THSD7B: variants seen among roughly 807,000 people sequenced by gnomAD.
THSD7B encodes thrombospondin type-1 domain-containing protein 7B.
In THSD7B, 138 loss-of-function variants were observed where a neutral mutation model predicts 213.6. That is an observed-to-expected ratio of 0.65 (90% CI 0.56 to 0.74). THSD7B has a LOEUF of 0.74. THSD7B is among the 30% of genes least tolerant of loss of function. THSD7B has a pLI of 0.00. For synonymous variants in THSD7B, 742 were observed against 687.0 expected (o/e 1.08, Z -1.25); for missense variants, 1,931 against 1,991.5 (o/e 0.97, Z 0.58).
At chr2:137,252,740 G>A (rs961644173) in intron 10 of THSD7B, among the ~76,000 whole-genome samples, 1 of 152,094 alleles carries the variant, frequency 6.6e-6, no homozygotes, top group Admixed American at 6.5e-5. Context: ...GCATCCCTCC[G>A]GAGAGGGCTT....
Position 136,851,818 on chromosome 2 carries a change from T to G in THSD7B, c.-35-30326T>G, listed in dbSNP as rs76146929. Among the ~76,000 whole-genome samples, 752 of 152,192 alleles carry G rather than the reference T, an allele frequency of 4.9e-3. 13 individuals are homozygous for G. The South Asian group carries it at 0.072, about 15-fold the overall frequency. ...AGCTCCAAATCAAGGGATGTGGAAATATCCTCAAAGGATGTGGAAATATCC... is the reference window on the plus strand; with the variant it reads ...AGCTCCAAATCAAGGGATGTGGAAAGATCCTCAAAGGATGTGGAAATATCC... On this transcript the variant is annotated intron_variant, in intron 1 of 27. Coordinates refer to ENST00000409968, the MANE Select transcript of THSD7B (RefSeq NM_001316349.2).
chr2:137,521,763 A>T (rs914820714), intron 15 of THSD7B, among the ~76,000 whole-genome samples: 1 of 152,180 alleles, frequency 6.6e-6, no homozygotes. Context: ...CTCCCTGTAG[A>T]GCAGGAGTGC....
intron 10 of THSD7B, among the ~76,000 whole-genome samples, chr2:137,264,438 C>T (rs1423616333): frequency 2.0e-5 from 3 of 151,832 alleles, no homozygotes; most frequent in Non-Finnish European, 4.4e-5. Flanking sequence ...TTAGTAGAGG[C>T]GGGATTTCAC....
chr2:137,223,891 G>A (rs1277699173), intron 7 of THSD7B, among the ~76,000 whole-genome samples: 1 of 152,080 alleles, frequency 6.6e-6, no homozygotes, highest in Non-Finnish European at 1.5e-5. Flanking sequence ...AAAGTGTGCA[G>A]TATCCTCCCA....
chr2:137,348,703 C>CTTTT lies in THSD7B; in HGVS notation c.2501-56892_2501-56889dup, dbSNP rs80150345. ...TTCTTTATCCTATCTCTATGAACTCCTTTTTTTTTTTTTTTTTTTTTGTTC... is the reference window on the plus strand; with the variant it reads ...TTCTTTATCCTATCTCTATGAACTCCTTTTTTTTTTTTTTTTTTTTTTTTTGTTC... On this transcript the variant is annotated intron_variant, in intron 12 of 27. Coordinates refer to ENST00000409968, the MANE Select transcript of THSD7B (RefSeq NM_001316349.2). Among the ~76,000 whole-genome samples the CTTTT allele has an allele frequency of 9.2e-4, 102 of 110,890 alleles. 1 individual carries two copies. The highest frequency in any genetic ancestry group is 1.6e-3 in the Non-Finnish European group (87 of 54,448). The allele number at this position is 110,890 out of a possible 152,430, so 72.7% of individuals were successfully genotyped here. A position where few individuals can be genotyped will look rare whatever the true frequency, so the allele number is the denominator to read the frequency against.
At chr2:137,180,578 A>G (rs775280614) in intron 7 of THSD7B, among the ~76,000 whole-genome samples, 8 of 152,264 alleles carry the variant, frequency 5.3e-5, no homozygotes, top group South Asian at 2.1e-4. Context: ...AGTTATTTCA[A>G]TTGATTCACA....
chr2:137,060,737 A>G (rs1687254978), intron 3 of THSD7B, among the ~76,000 whole-genome samples: 1 of 151,904 alleles, frequency 6.6e-6, no homozygotes, highest in Non-Finnish European at 1.5e-5. Context: ...TTTGTTAGTA[A>G]CACAATGTTT....
intron 7 of THSD7B, among the ~76,000 whole-genome samples, chr2:137,189,285 G>C (rs1680611887): frequency 6.6e-6 from 1 of 152,032 alleles, no homozygotes; most frequent in Non-Finnish European, 1.5e-5. Flanking sequence ...CCTATCAAAG[G>C]GTTTTCAACA....
rs1683638381 is a variant in THSD7B, at chr2:136,882,261, T to G, written c.83T>G (p.Leu28Arg). ...RKLFLLLSLL[L>R]SHAAHLEGKK... ...CTCTTTCTATTGCTTTCTCTCTTGC[T>G]GTCCCATGCAGCTCATTTGGAAGGC... is the stretch of plus-strand genomic sequence containing the variant. The change falls in exon 2 of 28, where the codon CTG (leucine) becomes CGG (arginine). Residue 28 changes from leucine (L) to arginine (R), a missense_variant. By Grantham distance (102) the Leu-to-Arg change is moderately radical (BLOSUM62 -2). Coordinates refer to ENST00000409968, the MANE Select transcript of THSD7B (RefSeq NM_001316349.2). 6 of 1,545,482 alleles carry G rather than the reference T, an allele frequency of 3.9e-6. No individual in the cohort carries two copies. The highest frequency in any genetic ancestry group is 5.2e-6 in the Non-Finnish European group (6 of 1,144,792).
At chr2:137,638,991 G>A (rs1430764943) in intron 20 of THSD7B, among the ~76,000 whole-genome samples, 2 of 150,226 alleles carry the variant, frequency 1.3e-5, no homozygotes, top group Admixed American at 6.7e-5. Flanking sequence ...GCCTGACGAT[G>A]CAGTATAAAA....
rs193175590 is a variant in THSD7B, at chr2:137,075,251, A to G, written c.950+18021A>G. On this transcript the variant is annotated intron_variant, in intron 3 of 27. Coordinates refer to ENST00000409968, the MANE Select transcript of THSD7B (RefSeq NM_001316349.2). ...TCAAATGTAGATTTGGTCTTTTCAC[A>G]TAGTCCCATATTTCTTGGAGGCTTT... Among the ~76,000 whole-genome samples the G allele has an allele frequency of 3.3e-3, 507 of 152,294 alleles. 3 individuals are homozygous for G. The highest frequency in any genetic ancestry group is 0.011 in the African/African-American group (454 of 41,560).
chr2:137,508,019 AT>A (rs1679875478), intron 15 of THSD7B, among the ~76,000 whole-genome samples: 1 of 152,206 alleles, frequency 6.6e-6, no homozygotes, highest in South Asian at 2.1e-4. Context: ...AAGAAAGATA[AT>A]AGTATCTACT....
intron 1 of THSD7B, among the ~76,000 whole-genome samples, chr2:136,781,444 T>A (rs7569194): frequency 0.25 from 35,226 of 139,430 alleles, 4,989 homozygotes; most frequent in Non-Finnish European, 0.34. Context: ...TTTTTTTTTT[T>A]AAATTTTTTT....
chr2:137,498,079 G>A (rs1679613579), intron 15 of THSD7B, among the ~76,000 whole-genome samples: 1 of 152,138 alleles, frequency 6.6e-6, no homozygotes, highest in African/African-American at 2.4e-5. Flanking sequence ...AAGGCATATG[G>A]AACTTTCCCT....
At chr2:136,821,977 A>G (rs1682571577) in intron 1 of THSD7B, among the ~76,000 whole-genome samples, 1 of 152,202 alleles carries the variant, frequency 6.6e-6, no homozygotes, top group Non-Finnish European at 1.5e-5. Flanking sequence ...ATGAATAACT[A>G]GGAACATAAT....
intron 12 of THSD7B, among the ~76,000 whole-genome samples, chr2:137,281,551 C>T (rs1683014215): frequency 6.6e-6 from 1 of 150,754 alleles, no homozygotes; most frequent in Non-Finnish European, 1.5e-5. Flanking sequence ...AATGCTATCC[C>T]CCCACCCCCA....
intron 15 of THSD7B, among the ~76,000 whole-genome samples, chr2:137,474,052 A>T (rs970873242): frequency 6.6e-6 from 1 of 152,218 alleles, no homozygotes; most frequent in Admixed American, 6.5e-5. Context: ...CCTTTGGCCA[A>T]GACTTTACAA....
chr2:136,943,854 T>G (rs1312373174), intron 2 of THSD7B, among the ~76,000 whole-genome samples: 1 of 152,224 alleles, frequency 6.6e-6, no homozygotes, highest in Non-Finnish European at 1.5e-5. Flanking sequence ...ATTGATTTTT[T>G]GAAGGGTTTT....
At chr2:137,245,209 C>T (rs1274325790) in intron 10 of THSD7B, among the ~76,000 whole-genome samples, 1 of 152,138 alleles carries the variant, frequency 6.6e-6, no homozygotes, top group Admixed American at 6.6e-5. Flanking sequence ...GGCATAAGAG[C>T]ATGGATGCTG....
Sources: gnomAD v4.1 joint callset for allele counts (sites outside exome capture counted in the v4.1 genomes callset) on GRCh38, gnomAD v4.1.1 for gene constraint, MANE v1.5 for transcripts, NCBI Gene and HGNC (gene_info 2026-07-23, HGNC 2026-07-21) for gene names.